NRG1: variants seen among roughly 807,000 people sequenced by gnomAD.
NRG1 encodes neuregulin 1.
NRG1 carries 18 observed loss-of-function variants against 63.8 expected under a neutral mutation model. That is an observed-to-expected ratio of 0.28 (90% CI 0.19 to 0.42). NRG1 has a LOEUF of 0.42. Ranked by LOEUF, NRG1 falls within the 10% of genes least tolerant of loss-of-function variation. The pLI is 1.00. For missense variants in NRG1, 762 were observed against 814.7 expected (o/e 0.94, Z 0.79); for synonymous variants, 302 against 301.3 (o/e 1.00, Z -0.02).
chr8:32,442,889 A>G lies in NRG1; in HGVS notation c.38-152939A>G, dbSNP rs535131508. The stretch of plus-strand genomic sequence containing the variant: ...GTGAAGTTTAATAACTACCCAAGGA[A>G]GAAGTGTTGGATACAACAACTATGA... On this transcript the variant is annotated intron_variant, in intron 1 of 10. Transcript: ENST00000519301. Among the ~76,000 whole-genome samples, 3 of 152,246 alleles carry G rather than the reference A, an allele frequency of 2.0e-5. No individual in the cohort carries two copies. In the East Asian group the frequency reaches 5.8e-4, roughly 29 times the overall value.
chr8:32,529,568 T>C (rs1831234428), intron 1 of NRG1, among the ~76,000 whole-genome samples: 1 of 152,216 alleles, frequency 6.6e-6, no homozygotes, highest in Non-Finnish European at 1.5e-5. Context: ...AAATATTCTT[T>C]CTTCATATTC....
At chr8:32,194,241 C>T (rs2132233927) in intron 1 of NRG1, among the ~76,000 whole-genome samples, 1 of 152,324 alleles carries the variant, frequency 6.6e-6, no homozygotes, top group South Asian at 2.1e-4. Context: ...TAAACCCATC[C>T]ACCTAGGTGT....
At chr8:31,991,741 C>T (rs1811129207) in intron 1 of NRG1, among the ~76,000 whole-genome samples, 1 of 151,874 alleles carries the variant, frequency 6.6e-6, no homozygotes, top group Non-Finnish European at 1.5e-5. Context: ...AAATTAAGCT[C>T]ACTCTTTATT....
intron 1 of NRG1, among the ~76,000 whole-genome samples, chr8:31,672,416 G>T (rs1457403559): frequency 6.6e-6 from 1 of 152,120 alleles, no homozygotes; most frequent in Non-Finnish European, 1.5e-5. Flanking sequence ...CCGAAGCCAT[G>T]AGTGTGATAA....
intron 1 of NRG1, among the ~76,000 whole-genome samples, chr8:31,808,417 T>C (rs1281497101): frequency 6.6e-6 from 1 of 152,074 alleles, no homozygotes; most frequent in East Asian, 1.9e-4. Context: ...TAACAGATAA[T>C]TTAGCCCATT....
chr8:32,601,298 C>A (rs1279119115), intron 2 of NRG1, among the ~76,000 whole-genome samples: 8 of 152,134 alleles, frequency 5.3e-5, no homozygotes, highest in Admixed American at 4.6e-4. Flanking sequence ...CATTTTAAAA[C>A]AGGATTTTGT....
chr8:32,718,710 G>A (rs540153715), intron 5 of NRG1, among the ~76,000 whole-genome samples: 20 of 152,014 alleles, frequency 1.3e-4, no homozygotes, highest in African/African-American at 4.1e-4. Context: ...TCTTACCTCC[G>A]CATTTATTTG....
intron 2 of NRG1, among the ~76,000 whole-genome samples, chr8:32,604,967 C>G (rs540482151): frequency 6.6e-6 from 1 of 151,994 alleles, no homozygotes; most frequent in African/African-American, 2.4e-5. Flanking sequence ...TATTAAGAAC[C>G]TTTCATGTGG....
chr8:32,355,700 C>T (rs1333079552), intron 1 of NRG1, among the ~76,000 whole-genome samples: 1 of 151,226 alleles, frequency 6.6e-6, no homozygotes, highest in African/African-American at 2.4e-5. Flanking sequence ...AAATTCTTTG[C>T]AAAAGAGTAA....
At chr8:32,069,827 C>A (rs1825486881) in intron 1 of NRG1, among the ~76,000 whole-genome samples, 1 of 152,188 alleles carries the variant, frequency 6.6e-6, no homozygotes, top group Non-Finnish European at 1.5e-5. Flanking sequence ...TTCTAGATCT[C>A]CCTGCAGTGG....
At chr8:31,642,885 G>C (rs1803933337) in intron 1 of NRG1, among the ~76,000 whole-genome samples, 2 of 152,118 alleles carry the variant, frequency 1.3e-5, no homozygotes, top group South Asian at 4.1e-4. Context: ...CAAACATAGT[G>C]TTTCTTGTAA....
chr8:31,739,235 G>A (rs1187221671), intron 1 of NRG1, among the ~76,000 whole-genome samples: 3 of 152,004 alleles, frequency 2.0e-5, no homozygotes, highest in African/African-American at 7.2e-5. Flanking sequence ...TCTTCACGCG[G>A]CAAACCAATT....
At chr8:31,856,625 TCTCCATCCAGCTTTGTTCCGTTG>T (rs1470209980) in intron 1 of NRG1, among the ~76,000 whole-genome samples, 1 of 152,214 alleles carries the variant, frequency 6.6e-6, no homozygotes, top group Non-Finnish European at 1.5e-5. Context: ...TCAAAGTCAT[TCTCCATCCAGCTTTGTTCCGTTG>T]CTGGTGAGGA....
intron 1 of NRG1, among the ~76,000 whole-genome samples, chr8:31,887,363 A>G (rs1364995277): frequency 5.3e-5 from 8 of 152,180 alleles, no homozygotes; most frequent in African/African-American, 1.7e-4. Context: ...GAAGTCCTGT[A>G]TAATACATCA....
At chr8:31,766,426 G>C (rs990829510) in intron 1 of NRG1, among the ~76,000 whole-genome samples, 10 of 152,084 alleles carry the variant, frequency 6.6e-5, no homozygotes, top group African/African-American at 2.4e-4. Context: ...TTTGGGGTGG[G>C]ATTAAGAGAA....
chr8:32,328,424 AC>A (rs1218927394), intron 1 of NRG1, among the ~76,000 whole-genome samples: 1 of 149,866 alleles, frequency 6.7e-6, no homozygotes, highest in African/African-American at 2.5e-5. Flanking sequence ...CTAAAATTTA[AC>A]ATCTTTTTTT....
At chr8:31,972,077 G>T (rs1807383193) in intron 1 of NRG1, among the ~76,000 whole-genome samples, 1 of 152,160 alleles carries the variant, frequency 6.6e-6, no homozygotes, top group Non-Finnish European at 1.5e-5. Flanking sequence ...TGGCTATCTG[G>T]CAGCTTCCAC....
intron 1 of NRG1, among the ~76,000 whole-genome samples, chr8:32,153,218 G>T (rs1837696324): frequency 6.6e-6 from 1 of 152,140 alleles, no homozygotes; most frequent in Non-Finnish European, 1.5e-5. Context: ...CAGTACAGGG[G>T]CGAGCTTCCA....
At chr8:31,853,402 G>A (rs1407582305) in intron 1 of NRG1, among the ~76,000 whole-genome samples, 2 of 149,646 alleles carry the variant, frequency 1.3e-5, no homozygotes, top group Non-Finnish European at 3.0e-5. Context: ...TCATGATTTG[G>A]CTCTCTGTTT....
Sources: gnomAD v4.1 joint callset for allele counts (sites outside exome capture counted in the v4.1 genomes callset) on GRCh38, gnomAD v4.1.1 for gene constraint, MANE v1.5 for transcripts, NCBI Gene and HGNC (gene_info 2026-07-23, HGNC 2026-07-21) for gene names.